The following COL4A1 variants were observed in gnomAD, a reference collection of about 807,000 sequenced individuals.
COL4A1 encodes collagen type IV alpha 1 chain, also known as collagen alpha-1(IV) chain.
COL4A1 carries 40 observed loss-of-function variants against 216.6 expected under a neutral mutation model. The observed-to-expected ratio is 0.18, with a 90% confidence interval of 0.14 to 0.24. The LOEUF is 0.24. COL4A1 is among the 10% of genes least tolerant of loss of function. COL4A1 has a pLI of 1.00. For synonymous variants in COL4A1, 839 were observed against 810.7 expected, an observed-to-expected ratio of 1.03 and a Z score of -0.59; for missense variants, 1,628 against 2,196.8, an observed-to-expected ratio of 0.74 and a Z score of 5.18.
intron 28 of COL4A1, among the ~76,000 whole-genome samples, 177 bp downstream of exon 28, chr13:110,182,816 A>G (rs1878232827): frequency 6.6e-6 from 1 of 152,374 alleles, no homozygotes; most frequent in African/African-American, 2.4e-5. Context: ...CTACACTGCA[A>G]GGCAGCTATT....
At chr13:110,256,654 T>C (rs1389227035) in intron 1 of COL4A1, among the ~76,000 whole-genome samples, 1 of 152,126 alleles carries the variant, frequency 6.6e-6, no homozygotes, top group African/African-American at 2.4e-5. Flanking sequence ...TATTTACAGG[T>C]GCAACTGGAA....
Position 110,169,680 on chromosome 13 carries a change from T to C in COL4A1, c.3825A>G (p.Gly1275=), listed in dbSNP as rs1474341500. ...KGDKGNPGWP[G]APGVPGPKGD... is the part of the protein sequence containing the mutation. ...CCTTGGGCCCTGGGACACCGGGTGC[T>C]CCTGGCCAGCCTGGATTTCCTTTGT... The change falls in exon 43 of 52, where the codon GGA becomes GGG. Residue 1275 remains glycine, a synonymous_variant. Transcript: ENST00000375820. The C allele has an allele frequency of 2.5e-6, 4 of 1,613,996 alleles. No homozygotes were observed. Among genetic ancestry groups the C allele is most frequent in the Non-Finnish European group, 3.4e-6 (4 of 1,180,036 alleles).
In COL4A1 at chr13:110,162,154, G is replaced by A. The variant is rs535736541; in HGVS notation, c.4462+76C>T. The A allele has an allele frequency of 6.0e-5, 79 of 1,307,946 alleles. No individual in the cohort carries two copies. In the Middle Eastern group the frequency reaches 1.5e-3, roughly 24 times the overall value. The allele number at this position is 1,307,946 out of a possible 1,614,324, so 81.0% of individuals were successfully genotyped here. Reference sequence around the variant, plus strand: ...TACTGCCCTCACTGCAGCAGCAGAGGCGAGTCCAGCACTGCACACCGAAGG... The same window carrying A: ...TACTGCCCTCACTGCAGCAGCAGAGACGAGTCCAGCACTGCACACCGAAGG... On this transcript the variant is annotated intron_variant, in intron 48 of 51. Coordinates refer to ENST00000375820, the MANE Select transcript of COL4A1 (RefSeq NM_001845.6).
intron 12 of COL4A1, among the ~76,000 whole-genome samples, chr13:110,208,559 A>T (rs1428082053): frequency 6.6e-6 from 1 of 152,210 alleles, no homozygotes; most frequent in Non-Finnish European, 1.5e-5. Context: ...GTCTGACCTC[A>T]TCACTGACGA....
chr13:110,199,476 C>T (rs146625779), intron 20 of COL4A1, among the ~76,000 whole-genome samples: 4 of 152,196 alleles, frequency 2.6e-5, no homozygotes, highest in African/African-American at 4.8e-5. Context: ...CAGCCAAGAG[C>T]CCCGAGGGGC....
At chr13:110,282,722 G>A (rs1019854163) in intron 1 of COL4A1, among the ~76,000 whole-genome samples, 3 of 152,178 alleles carry the variant, frequency 2.0e-5, no homozygotes, top group African/African-American at 7.2e-5. Context: ...TGGCATCCCT[G>A]CTGTGCCTAC....
At chr13:110,185,251 T>C (rs924716286) in intron 26 of COL4A1, among the ~76,000 whole-genome samples, 3 of 152,164 alleles carry the variant, frequency 2.0e-5, no homozygotes, top group South Asian at 2.1e-4. Context: ...GTTCAAGCGA[T>C]TCTCCTGCCT....
At chr13:110,196,890 A>G (rs1222004081) in intron 21 of COL4A1, among the ~76,000 whole-genome samples, 2 of 152,208 alleles carry the variant, frequency 1.3e-5, no homozygotes, top group African/African-American at 2.4e-5. Context: ...TTTAACATAC[A>G]TTATAAATCT....
rs1253690309 is a variant in COL4A1, at chr13:110,213,974, A to G, written c.186T>C (p.Phe62=). Residue 62 remains phenylalanine, a synonymous_variant, in exon 3 of 52, where the codon TTT becomes TTC. Transcript: ENST00000375820. ...GCCCCTCAGGTCCTTGCATTCCAGG[A>G]AACCCAATGACACCTTGTAACCCCG... The part of the protein sequence containing the change: ...GLPGLQGVIG[F]PGMQGPEGPQ... 6.2e-7 allele frequency: 1 copy of G among 1,614,026 alleles called. No homozygotes were observed. Among genetic ancestry groups the G allele is most frequent in the East Asian group, 2.2e-5 (1 of 44,860 alleles).
At chr13:110,244,392 A>G (rs7318128) in intron 1 of COL4A1, among the ~76,000 whole-genome samples, 31,715 of 151,934 alleles carry the variant, frequency 0.21, 3,955 homozygotes, top group African/African-American at 0.34. Flanking sequence ...ATTTTAGGCA[A>G]TTTTCAGCCT....
chr13:110,273,015 G>T (rs1311121911), intron 1 of COL4A1, among the ~76,000 whole-genome samples: 2 of 152,218 alleles, frequency 1.3e-5, no homozygotes, highest in East Asian at 1.9e-4. Flanking sequence ...AATAAATGGG[G>T]TGTGTGTGCA....
At chr13:110,266,377 C>T (rs1028359161) in intron 1 of COL4A1, among the ~76,000 whole-genome samples, 6 of 152,174 alleles carry the variant, frequency 3.9e-5, no homozygotes, top group African/African-American at 1.2e-4. Flanking sequence ...TCTGTCGCCA[C>T]GAATCCTAGC....
rs906046581 is a variant in COL4A1, at chr13:110,160,341, C to T, written c.4640+851G>A. 8.8e-5 allele frequency among the ~76,000 whole-genome samples: 6 copies of T among 67,982 alleles called. 1 individual carries two copies. Among genetic ancestry groups the T allele is most frequent in the African/African-American group, 1.6e-4 (3 of 18,976 alleles). The allele number at this position is 67,982 out of a possible 152,430, so 44.6% of individuals were successfully genotyped here. On this transcript the variant is annotated intron_variant, in intron 49 of 51. Coordinates refer to ENST00000375820, the MANE Select transcript of COL4A1 (RefSeq NM_001845.6). ...CCTGTAGTCCCAGCTACTCGGGAGGCTGAGGCAGGAGAATGGCGTGAACCC... is the reference window on the plus strand; with the variant it reads ...CCTGTAGTCCCAGCTACTCGGGAGGTTGAGGCAGGAGAATGGCGTGAACCC...
At chr13:110,158,321 C>T (rs948109452) in intron 49 of COL4A1, among the ~76,000 whole-genome samples, 7 of 152,272 alleles carry the variant, frequency 4.6e-5, no homozygotes, top group Non-Finnish European at 1.0e-4. Context: ...GAGGCACCTT[C>T]CAGCCCTCTG....
intron 1 of COL4A1, among the ~76,000 whole-genome samples, chr13:110,260,086 G>A (rs1172621860): frequency 1.3e-5 from 2 of 152,160 alleles, no homozygotes; most frequent in Admixed American, 6.5e-5. Context: ...CGTGCCACCT[G>A]TATTAGTCTG....
intron 1 of COL4A1, among the ~76,000 whole-genome samples, chr13:110,255,236 G>C (rs1882455679): frequency 1.3e-5 from 2 of 152,122 alleles, no homozygotes; most frequent in Non-Finnish European, 2.9e-5. Context: ...AGCAGGCCTT[G>C]GGTAGGGTCT....
In COL4A1 at chr13:110,278,788, G is replaced by A. The variant is rs184946690; in HGVS notation, c.84+28156C>T. Among the ~76,000 whole-genome samples, 17 of 152,242 alleles carry A rather than the reference G, an allele frequency of 1.1e-4. No individual in the cohort carries two copies. The East Asian group carries it at 3.3e-3, about 29-fold the overall frequency. ...TTCTCCCAGCCACGCCTCTTGACAG[G>A]ATCACCTTCTCCATCTGCCTAGACT... On this transcript the variant is annotated intron_variant, in intron 1 of 51. Coordinates refer to ENST00000375820, the MANE Select transcript of COL4A1 (RefSeq NM_001845.6).
At chr13:110,287,913 G>T (rs958533732) in intron 1 of COL4A1, among the ~76,000 whole-genome samples, 1 of 152,134 alleles carries the variant, frequency 6.6e-6, no homozygotes, top group East Asian at 1.9e-4. Flanking sequence ...CTCATCAATT[G>T]TCTTTGGTGA....
At chr13:110,280,369 A>T (rs1051855365) in intron 1 of COL4A1, among the ~76,000 whole-genome samples, 2 of 152,256 alleles carry the variant, frequency 1.3e-5, no homozygotes, top group African/African-American at 4.8e-5. Flanking sequence ...TCAAAAGTGA[A>T]ATGCCTTTAG....
Sources: gnomAD v4.1 joint callset for allele counts (sites outside exome capture counted in the v4.1 genomes callset) on GRCh38, gnomAD v4.1.1 for gene constraint, MANE v1.5 for transcripts, NCBI Gene and HGNC (gene_info 2026-07-23, HGNC 2026-07-21) for gene names.